Variants in MMP26 observed in about 807,000 individuals in gnomAD.
MMP26 encodes matrix metallopeptidase 26.
MMP26 carries 33 observed loss-of-function variants against 31.0 expected under a neutral mutation model. That is an observed-to-expected ratio of 1.06 (90% CI 0.81 to 1.42). The LOEUF is 1.42. Ranked by LOEUF, MMP26 falls within the 40% of genes most tolerant of loss-of-function variation. MMP26 has a pLI of 0.00. For missense variants in MMP26, 347 were observed against 316.1 expected (o/e 1.10, Z -0.74); for synonymous variants, 122 against 114.9 (o/e 1.06, Z -0.40).
intron 2 of MMP26, among the ~76,000 whole-genome samples, chr11:4,906,654 A>G (rs1403658523): frequency 6.6e-6 from 1 of 152,228 alleles, no homozygotes; most frequent in Admixed American, 6.5e-5. Flanking sequence ...AACTTTCTAC[A>G]TAAAGCTCAG....
intron 2 of MMP26, chr11:4,943,167 G>T (rs934362513): frequency 2.6e-5 from 5 of 190,094 alleles, no homozygotes; most frequent in Admixed American, 1.8e-4. Context: ...AATGACCAAT[G>T]TCCAATAGAA....
intron 1 of MMP26, among the ~76,000 whole-genome samples, chr11:4,729,998 T>TTTTTTTTTTTTTTTTTGAGACGGA (rs1372068573): frequency 1.3e-5 from 2 of 151,802 alleles, no homozygotes; most frequent in Non-Finnish European, 2.9e-5. Context: ...CCCTCATTTT[T>TTTTTTTTTTTTTTTTTGAGACGGA]GTAGCTGGTC....
intron 2 of MMP26, among the ~76,000 whole-genome samples, chr11:4,850,068 T>C (rs773724105): frequency 7.2e-5 from 11 of 152,234 alleles, no homozygotes; most frequent in Non-Finnish European, 1.6e-4. Flanking sequence ...ACTTGGCTAC[T>C]GAACATTATA....
chr11:4,815,187 C>T (rs566353495), intron 2 of MMP26, among the ~76,000 whole-genome samples: 1 of 152,154 alleles, frequency 6.6e-6, no homozygotes, highest in Admixed American at 6.5e-5. Context: ...CTTAGTCTGG[C>T]TCAGTGACTG....
At chr11:4,865,427 CA>C (rs1175252992) in intron 2 of MMP26, among the ~76,000 whole-genome samples, 1 of 151,872 alleles carries the variant, frequency 6.6e-6, no homozygotes, top group Non-Finnish European at 1.5e-5. Context: ...CCTCTTTGCT[CA>C]AAAAGGGGGA....
Position 4,822,131 on chromosome 11 carries a change from G to A in MMP26, c.-145+54790G>A, listed in dbSNP as rs565104047. 4.3e-5 allele frequency: 70 copies of A among 1,612,172 alleles called. No individual in the cohort carries two copies. The highest frequency in any genetic ancestry group is 1.2e-4 in the South Asian group (11 of 90,998). ...AGCATTGCTTCCTCAGAAGAGAGGC[G>A]GAAAGCCTTCAACACCTGCACATCC... On this transcript the variant is annotated intron_variant, in intron 2 of 7. Coordinates refer to ENST00000380390, the MANE Select transcript of MMP26 (RefSeq NM_021801.5).
At chr11:4,783,062 G>T (rs1848885854) in intron 2 of MMP26, among the ~76,000 whole-genome samples, 1 of 152,224 alleles carries the variant, frequency 6.6e-6, no homozygotes, top group South Asian at 2.1e-4. Flanking sequence ...TCCCCACACA[G>T]AGCCCCTACT....
At chr11:4,726,967 G>A (rs1385377694) in intron 1 of MMP26, among the ~76,000 whole-genome samples, 1 of 152,140 alleles carries the variant, frequency 6.6e-6, no homozygotes, top group Non-Finnish European at 1.5e-5. Flanking sequence ...CGTGAACTAT[G>A]ATTATGCCAT....
intron 1 of MMP26, among the ~76,000 whole-genome samples, chr11:4,749,843 G>C (rs1251314356): frequency 6.6e-6 from 1 of 152,098 alleles, no homozygotes; most frequent in Non-Finnish European, 1.5e-5. Context: ...GAAAAGCTAG[G>C]AAAAACTTTT....
chr11:4,967,286 C>T (rs1031158778), intron 2 of MMP26, among the ~76,000 whole-genome samples: 14 of 152,112 alleles, frequency 9.2e-5, no homozygotes, highest in African/African-American at 3.4e-4. Context: ...CTTTACAATT[C>T]TTAATCACAA....
At chr11:4,864,938 C>T (rs1193951153) in intron 2 of MMP26, among the ~76,000 whole-genome samples, 1 of 151,918 alleles carries the variant, frequency 6.6e-6, no homozygotes, top group African/African-American at 2.4e-5. Context: ...GTTCGTGAGT[C>T]TTATATACCT....
chr11:4,843,155 T>C (rs1849819373), intron 2 of MMP26, among the ~76,000 whole-genome samples: 1 of 152,210 alleles, frequency 6.6e-6, no homozygotes, highest in Non-Finnish European at 1.5e-5. Flanking sequence ...GCTTGCAGCT[T>C]TTCCAGGTGC....
chr11:4,899,166 C>T (rs1022436336), intron 2 of MMP26, among the ~76,000 whole-genome samples: 5 of 152,060 alleles, frequency 3.3e-5, no homozygotes, highest in African/African-American at 4.8e-5. Context: ...CATAGCAGCC[C>T]CAAATTCAGG....
In MMP26 at chr11:4,855,154, C is replaced by G. The variant is rs114846530; in HGVS notation, c.-145+87813C>G. Among the ~76,000 whole-genome samples, 314 of 152,244 alleles carry G rather than the reference C, an allele frequency of 2.1e-3. 1 individual carries two copies. The highest frequency in any genetic ancestry group is 7.3e-3 in the African/African-American group (304 of 41,532). On this transcript the variant is annotated intron_variant, in intron 2 of 7. Coordinates refer to ENST00000380390, the MANE Select transcript of MMP26 (RefSeq NM_021801.5). ...GCTGAAAATTCCAAAAATCAGAGCG[C>G]CTCTTCTACCCCAAAGGAACACAGC... is the stretch of plus-strand genomic sequence containing the variant.
chr11:4,714,928 A>T (rs867366937), intron 1 of MMP26, among the ~76,000 whole-genome samples: 5,355 of 148,886 alleles, frequency 0.036, 326 homozygotes, highest in African/African-American at 0.13. Context: ...TCTCACACAC[A>T]CACACACACA....
At chr11:4,989,926 C>G in intron 4 of MMP26, 58 bp downstream of exon 4, 1 of 1,396,076 alleles carries the variant, frequency 7.2e-7, no homozygotes, top group African/African-American at 1.4e-5. Flanking sequence ...AAAGGGCTTT[C>G]TACCAGGTCT....
At position 4,992,329 on chromosome 11, in the gene MMP26, G is replaced by A. The variant is rs1847021282; in HGVS notation, c.*87G>A. ...CTGAAAGCACTAGAGCAGCCTTGGG[G>A]ACTGCTAGGATGAAGCCCTAAAGAA... On this transcript the variant is annotated 3_prime_UTR_variant, in exon 8 of 8. Transcript: ENST00000380390. 6.7e-6 allele frequency: 9 copies of A among 1,350,790 alleles called. No homozygotes were observed. Among genetic ancestry groups the A allele is most frequent in the Non-Finnish European group, 9.2e-6 (9 of 976,606 alleles). 83.7% of individuals were successfully genotyped at this position (1,350,790 alleles called of 1,614,324 possible).
At chr11:4,708,478 G>C (rs114354938) in intron 1 of MMP26, among the ~76,000 whole-genome samples, 3,073 of 152,198 alleles carry the variant, frequency 0.02, 128 homozygotes, top group African/African-American at 0.07. Context: ...CTTTCTCAGG[G>C]TCAGACCTTC....
chr11:4,823,265 G>A (rs962541144), intron 2 of MMP26, among the ~76,000 whole-genome samples: 1 of 152,076 alleles, frequency 6.6e-6, no homozygotes, highest in Admixed American at 6.6e-5. Context: ...TGCTTCAATA[G>A]CACATCACAT....
Sources: gnomAD v4.1 joint callset for allele counts (sites outside exome capture counted in the v4.1 genomes callset) on GRCh38, gnomAD v4.1.1 for gene constraint, MANE v1.5 for transcripts, NCBI Gene and HGNC (gene_info 2026-07-23, HGNC 2026-07-21) for gene names.